The following CSMD2 variants were observed in gnomAD, a reference collection of about 807,000 sequenced individuals.
CSMD2 encodes CUB and Sushi multiple domains 2.
CSMD2 carries 130 observed loss-of-function variants against 398.5 expected under a neutral mutation model. That is an observed-to-expected ratio of 0.33 (90% confidence interval 0.28 to 0.38). The LOEUF is 0.38. Among genes scored for constraint, CSMD2 ranks in the 10% least tolerant of loss-of-function variants. The probability of loss-of-function intolerance (pLI) is 1.00; values close to 1 mark genes in which losing one functional copy is unlikely to be tolerated. For missense variants in CSMD2, 3,829 were observed against 4,764.9 expected (o/e 0.80, Z 5.78); for synonymous variants, 1,828 against 1,908.5 (o/e 0.96, Z 1.10).
chr1:33,524,173 C>T (rs1654565787), intron 66 of CSMD2, among the ~76,000 whole-genome samples: 1 of 152,144 alleles, frequency 6.6e-6, no homozygotes, highest in South Asian at 2.1e-4. Flanking sequence ...TTTCCCTCAA[C>T]ACTGGCATAA....
At chr1:33,946,427 C>A (rs1215124225) in intron 3 of CSMD2, among the ~76,000 whole-genome samples, 1 of 152,182 alleles carries the variant, frequency 6.6e-6, no homozygotes, top group African/African-American at 2.4e-5. Flanking sequence ...ATGTCTCCCA[C>A]TGGAACATGC....
intron 3 of CSMD2, among the ~76,000 whole-genome samples, chr1:33,958,146 C>A (rs1184428097): frequency 4.6e-5 from 7 of 152,138 alleles, no homozygotes; most frequent in African/African-American, 1.7e-4. Context: ...CCACAGGGAT[C>A]CTCATTCCAT....
chr1:33,700,960 C>T (rs777948433), intron 22 of CSMD2, among the ~76,000 whole-genome samples: 16 of 152,200 alleles, frequency 1.1e-4, no homozygotes, highest in Non-Finnish European at 1.5e-4. Context: ...TGTTCTTGTT[C>T]CCGCAATGCC....
intron 6 of CSMD2, among the ~76,000 whole-genome samples, chr1:33,842,933 C>G (rs1274375218): frequency 6.6e-6 from 1 of 152,158 alleles, no homozygotes; most frequent in African/African-American, 2.4e-5. Flanking sequence ...TTTGCTTGAC[C>G]TGGAACATAT....
chr1:33,582,850 A>G (rs886982323), intron 47 of CSMD2, among the ~76,000 whole-genome samples: 1 of 152,222 alleles, frequency 6.6e-6, no homozygotes, highest in African/African-American at 2.4e-5. Flanking sequence ...ACAGATTAAC[A>G]CAGCCTTGGT....
chr1:33,989,856 A>G (rs2147991154), intron 3 of CSMD2, among the ~76,000 whole-genome samples: 1 of 152,318 alleles, frequency 6.6e-6, no homozygotes, highest in South Asian at 2.1e-4. Context: ...GAGAATGACT[A>G]AGAACCGGCA....
chr1:33,841,296 T>C (rs1168916752), intron 6 of CSMD2, among the ~76,000 whole-genome samples: 1 of 152,198 alleles, frequency 6.6e-6, no homozygotes, highest in East Asian at 1.9e-4. Flanking sequence ...TCTTTCTCAC[T>C]GTGCAAGGGT....
chr1:33,726,610 G>A lies in CSMD2; in HGVS notation c.2444C>T (p.Ala815Val), dbSNP rs982528131. 3 of 1,613,634 alleles carry A rather than the reference G, an allele frequency of 1.9e-6. No homozygotes were observed. The African/African-American group carries it at 4.0e-5, about 22-fold the overall frequency. The change falls in exon 16 of 71, where the codon GCC becomes GTC. Residue 815 changes from alanine to valine, a missense_variant. Ala to Val is a moderately conservative substitution (Grantham distance 64). Transcript: ENST00000373381. Reference sequence around the variant, plus strand: ...CTCAATCACCCAGGCACAGCTCAAGGCATCCTTGTAGAAGCCAGGCCAGCC... The same window carrying A: ...CTCAATCACCCAGGCACAGCTCAAGACATCCTTGTAGAAGCCAGGCCAGCC... The part of the protein sequence containing the change: ...SPGWPGFYKD[A>V]LSCAWVIEAQ...
At chr1:33,783,942 A>C (rs565678361) in intron 12 of CSMD2, among the ~76,000 whole-genome samples, 11 of 151,938 alleles carry the variant, frequency 7.2e-5, no homozygotes, top group Non-Finnish European at 1.6e-4. Flanking sequence ...GGAGCTCCCT[A>C]TACTATAAAA....
chr1:34,146,925 G>A lies in CSMD2; in HGVS notation c.187+17986C>T, dbSNP rs1639819288. 4.6e-5 allele frequency among the ~76,000 whole-genome samples: 7 copies of A among 152,194 alleles called. No individual in the cohort carries two copies. In the South Asian group the frequency reaches 1.5e-3, roughly 32 times the overall value. On this transcript the variant is annotated intron_variant, in intron 1 of 70. Transcript: ENST00000373381. ...AGAGACCTAAGTATGGAGAGTCTCA[G>A]CATTTGGACAGTGGCATGAAAGCCA...
chr1:33,711,506 T>C (rs1191468247), intron 21 of CSMD2, among the ~76,000 whole-genome samples: 1 of 152,214 alleles, frequency 6.6e-6, no homozygotes, highest in Non-Finnish European at 1.5e-5. Flanking sequence ...TAGCACATAG[T>C]AGCCTCTCCA....
chr1:33,838,085 G>A (rs1660490883), intron 6 of CSMD2, among the ~76,000 whole-genome samples: 1 of 152,184 alleles, frequency 6.6e-6, no homozygotes, highest in Admixed American at 6.5e-5. Flanking sequence ...GTCAAGAAGT[G>A]GAGGGAATCT....
At chr1:33,783,824 CAG>C (rs1653151771) in intron 12 of CSMD2, among the ~76,000 whole-genome samples, 1 of 152,158 alleles carries the variant, frequency 6.6e-6, no homozygotes, top group African/African-American at 2.4e-5. Context: ...TATTTGAAAA[CAG>C]AGTTGTTGCA....
chr1:33,669,269 A>G (rs1644413963), intron 25 of CSMD2, among the ~76,000 whole-genome samples: 1 of 152,220 alleles, frequency 6.6e-6, no homozygotes. Context: ...AACAGTTTTG[A>G]AGAAAGGAAA....
chr1:34,076,119 G>A (rs1307589336), intron 2 of CSMD2, among the ~76,000 whole-genome samples: 1 of 152,236 alleles, frequency 6.6e-6, no homozygotes, highest in Non-Finnish European at 1.5e-5. Flanking sequence ...GAGAAAGGGA[G>A]TCATTGGGAG....
At chr1:33,819,600 G>A (rs1426869127) in intron 9 of CSMD2, 113 bp downstream of exon 9, 3 of 877,568 alleles carry the variant, frequency 3.4e-6, no homozygotes, top group Non-Finnish European at 1.8e-6. Context: ...GAGTGAGGGG[G>A]GAGGGGAGCC....
At chr1:33,568,186 C>T (rs12068310) in intron 52 of CSMD2, among the ~76,000 whole-genome samples, 31,391 of 112,454 alleles carry the variant, frequency 0.28, 3,509 homozygotes, top group South Asian at 0.39. Context: ...AACTCAGGAG[C>T]ATCTTTTTTT....
intron 3 of CSMD2, among the ~76,000 whole-genome samples, chr1:34,023,997 G>C (rs1353883021): frequency 1.3e-5 from 2 of 152,162 alleles, no homozygotes; most frequent in Non-Finnish European, 2.9e-5. Flanking sequence ...ATTAAAGTGG[G>C]CATTATAGTT....
rs555477246 is a variant in CSMD2 at position 33,521,499 on chromosome 1, C to T, written c.10561G>A (p.Gly3521Ser). ...AAGCCGAACTGCCCAAAGCCTTGGC[C>T]CTTGACAGAGCCTTGGTAGATGAAG... ...ATFIYQGSVK[G>S]QGFGQFGFQR... is the part of the protein sequence containing the mutation. Residue 3521 changes from glycine (G) to serine (S), a missense_variant, in exon 68 of 71, where the codon GGC (glycine) becomes AGC (serine). Transcript: ENST00000373381. 2 of 1,613,868 alleles carry T rather than the reference C, an allele frequency of 1.2e-6. No individual in the cohort carries two copies. Among genetic ancestry groups the T allele is most frequent in the African/African-American group, 2.7e-5 (2 of 75,028 alleles).
Sources: allele counts gnomAD v4.1 joint callset (sites outside exome capture counted in the v4.1 genomes callset), GRCh38; gene constraint gnomAD v4.1.1; transcripts MANE v1.5; gene names NCBI Gene and HGNC (gene_info 2026-07-23, HGNC 2026-07-21).